Variants in BANK1 observed in about 807,000 individuals in gnomAD.
BANK1 encodes B-cell scaffold protein with ankyrin repeats.
A neutral mutation model predicts 94.5 loss-of-function variants in BANK1; 95 were observed. That is an observed-to-expected ratio of 1.00 (90% CI 0.85 to 1.19). The LOEUF (loss-of-function observed/expected upper bound fraction) is 1.19, where lower values mean the gene tolerates loss of function less well. Among genes scored for constraint, BANK1 ranks in the 50% most tolerant of loss-of-function variants. The probability of loss-of-function intolerance (pLI) is 0.00; values close to 1 mark genes in which losing one functional copy is unlikely to be tolerated. For missense variants in BANK1, 987 were observed against 932.2 expected (o/e 1.06, Z -0.77); for synonymous variants, 334 against 308.4 (o/e 1.08, Z -0.87).
At chr4:101,794,930 T>A (rs1037332415) in intron 1 of BANK1, among the ~76,000 whole-genome samples, 12 of 152,166 alleles carry the variant, frequency 7.9e-5, no homozygotes, top group African/African-American at 2.9e-4. Flanking sequence ...TTGTTTCTTC[T>A]AAGTGTCTCT....
intron 7 of BANK1, among the ~76,000 whole-genome samples, chr4:101,944,074 C>CAG (rs1030209248): frequency 1.4e-5 from 2 of 147,714 alleles, no homozygotes; most frequent in African/African-American, 5.0e-5. Context: ...GACAGACAGA[C>CAG]AGAGAGAGAG....
intron 5 of BANK1, among the ~76,000 whole-genome samples, chr4:101,882,466 A>G (rs887240780): frequency 9.2e-5 from 14 of 152,180 alleles, no homozygotes; most frequent in African/African-American, 2.7e-4. Flanking sequence ...AACAGCATAC[A>G]ATTCTAGTCC....
intron 2 of BANK1, among the ~76,000 whole-genome samples, chr4:101,853,721 T>A (rs1727579828): frequency 6.6e-6 from 1 of 152,142 alleles, no homozygotes; most frequent in African/African-American, 2.4e-5. Context: ...CCAACTTTTC[T>A]GGTCTGCTTG....
At chr4:102,057,241 G>GCTCTCTCTCTCTTTCTCTTT in intron 11 of BANK1, among the ~76,000 whole-genome samples, 1 of 140,932 alleles carries the variant, frequency 7.1e-6, no homozygotes, top group African/African-American at 2.6e-5. Flanking sequence ...TCTCTCTCTT[G>GCTCTCTCTCTCTTTCTCTTT]CTCTCTCTCT....
intron 1 of BANK1, among the ~76,000 whole-genome samples, chr4:101,807,765 T>C (rs1378825536): frequency 6.6e-6 from 1 of 152,110 alleles, no homozygotes; most frequent in African/African-American, 2.4e-5. Context: ...GCCATATAGT[T>C]AGTCAGTGAT....
rs566400616 is a variant in BANK1 at position 101,883,918 on chromosome 4, G to A, written c.904-11387G>A. On this transcript the variant is annotated intron_variant, in intron 5 of 16. Transcript: ENST00000322953. ...GAAATTAGAAGACTGAAAAATTCCC[G>A]GGCCAAAAATATGCTTGCTTGTATT... 4.5e-4 allele frequency among the ~76,000 whole-genome samples: 69 copies of A among 152,132 alleles called. 1 individual carries two copies. The highest frequency in any genetic ancestry group is 7.4e-4 in the Non-Finnish European group (50 of 67,986).
intron 5 of BANK1, among the ~76,000 whole-genome samples, chr4:101,881,363 T>C (rs776612889): frequency 3.9e-5 from 6 of 152,020 alleles, no homozygotes; most frequent in Non-Finnish European, 8.8e-5. Context: ...GAAGTGCAAA[T>C]CAAAACTACC....
chr4:101,912,099 A>G (rs1483015567), intron 6 of BANK1, among the ~76,000 whole-genome samples: 2 of 152,092 alleles, frequency 1.3e-5, no homozygotes, highest in Non-Finnish European at 2.9e-5. Context: ...CTTTTTAATT[A>G]ATGTCTTGAA....
chr4:101,806,472 G>A (rs958872009), intron 1 of BANK1, among the ~76,000 whole-genome samples: 9 of 152,150 alleles, frequency 5.9e-5, no homozygotes, highest in African/African-American at 1.2e-4. Context: ...ATAGAAATAC[G>A]TTGCACTGGA....
intron 7 of BANK1, among the ~76,000 whole-genome samples, chr4:101,980,360 T>C (rs1725286681): frequency 6.6e-6 from 1 of 151,810 alleles, no homozygotes; most frequent in Non-Finnish European, 1.5e-5. Flanking sequence ...GTCCCAAAAA[T>C]TGCTAGTTTT....
chr4:102,063,008 G>A, intron 12 of BANK1, 67 bp from the exon 13 acceptor site: 1 of 1,265,838 alleles, frequency 7.9e-7, no homozygotes, highest in Non-Finnish European at 1.1e-6. Context: ...AATAGTAGTT[G>A]ATGTTTTCAT....
intron 10 of BANK1, among the ~76,000 whole-genome samples, chr4:102,038,757 G>A (rs575137704): frequency 2.0e-5 from 3 of 152,212 alleles, no homozygotes; most frequent in South Asian, 4.1e-4. Flanking sequence ...GATGACATAT[G>A]CAAATGAAAA....
At chr4:102,073,924 A>AG in intron 16 of BANK1, 81 bp from the exon 17 acceptor site, 1 of 475,604 alleles carries the variant, frequency 2.1e-6, no homozygotes, top group Non-Finnish European at 3.7e-6. Flanking sequence ...ATTTATGTAC[A>AG]GGGGTGATTT....
intron 5 of BANK1, among the ~76,000 whole-genome samples, chr4:101,878,897 G>C (rs1412559695): frequency 1.3e-5 from 2 of 151,710 alleles, no homozygotes; most frequent in Non-Finnish European, 2.9e-5. Context: ...AAAATGTATT[G>C]AAACAAATGA....
At chr4:102,038,234 C>T (rs1448419625) in intron 10 of BANK1, among the ~76,000 whole-genome samples, 1 of 152,024 alleles carries the variant, frequency 6.6e-6, no homozygotes, top group African/African-American at 2.4e-5. Flanking sequence ...AATCATGATC[C>T]CAATGCTACT....
intron 10 of BANK1, among the ~76,000 whole-genome samples, chr4:102,034,501 G>A (rs1275057142): frequency 6.6e-6 from 1 of 152,134 alleles, no homozygotes. Context: ...TATGTTCAAT[G>A]CATTATAATT....
chr4:102,043,809 A>G (rs946118147), intron 10 of BANK1, 30 bp from the exon 11 acceptor site: 5 of 1,456,730 alleles, frequency 3.4e-6, no homozygotes, highest in Middle Eastern at 3.8e-4. Context: ...GTTTATGTTC[A>G]GTAAATAATA....
intron 6 of BANK1, among the ~76,000 whole-genome samples, chr4:101,914,508 G>A (rs572410615): frequency 6.6e-6 from 1 of 152,216 alleles, no homozygotes; most frequent in East Asian, 1.9e-4. Context: ...GCTTTAAAAT[G>A]CACTTGATTC....
Position 102,021,510 on chromosome 4 carries a change from TC to T in BANK1, c.1207-3del. On this transcript the variant is annotated splice_polypyrimidine_tract_variant and splice_region_variant and intron_variant, in intron 7 of 16. Coordinates refer to ENST00000322953, the MANE Select transcript of BANK1 (RefSeq NM_017935.5). ...CATATTATTAAAAATTACATTTTTTTCAGATCCAAGAAATTGACATAAATAA... is the reference window on the plus strand; with the variant it reads ...CATATTATTAAAAATTACATTTTTTTAGATCCAAGAAATTGACATAAATAA... 2 of 1,384,244 alleles carry T rather than the reference TC, an allele frequency of 1.4e-6. No homozygotes were observed. Among genetic ancestry groups the T allele is most frequent in the South Asian group, 1.4e-5 (1 of 69,772 alleles). The allele number at this position is 1,384,244 out of a possible 1,614,324, so 85.7% of individuals were successfully genotyped here.
Sources: gnomAD v4.1 joint callset for allele counts (sites outside exome capture counted in the v4.1 genomes callset) on GRCh38, gnomAD v4.1.1 for gene constraint, MANE v1.5 for transcripts, NCBI Gene and HGNC (gene_info 2026-07-23, HGNC 2026-07-21) for gene names.